Variants in SHISA9 observed in about 807,000 individuals in gnomAD.
SHISA9 encodes the protein protein shisa-9.
A neutral mutation model predicts 38.0 loss-of-function variants in SHISA9; 13 were observed. The ratio of observed to expected loss-of-function variants is 0.34; its 90% confidence interval spans 0.22 to 0.54. The LOEUF (loss-of-function observed/expected upper bound fraction) is 0.54. Among genes scored for constraint, SHISA9 ranks in the 20% least tolerant of loss-of-function variants. The probability of loss-of-function intolerance (pLI) is 0.91; values close to 1 mark genes in which losing one functional copy is unlikely to be tolerated. For synonymous variants in SHISA9, 275 were observed against 242.0 expected (o/e 1.14, Z -1.27); for missense variants, 538 against 575.8 (o/e 0.93, Z 0.67).
At chr16:13,492,333 C>T in the SHISA9 span, among the ~76,000 whole-genome samples, 131 of 152,278 alleles carry the variant, frequency 8.6e-4, 1 homozygote, top group Admixed American at 8.4e-3. Context: ...TGTTCCTAAA[C>T]AGGTGAGGTT....
chr16:13,438,341 A>G, the SHISA9 span, among the ~76,000 whole-genome samples: 1 of 152,196 alleles, frequency 6.6e-6, no homozygotes, highest in South Asian at 2.1e-4. Flanking sequence ...AAACAGTATC[A>G]GTTCCCCAAT....
intron 2 of SHISA9, among the ~76,000 whole-genome samples, chr16:12,974,568 C>A (rs571338307): frequency 7.5e-5 from 11 of 146,064 alleles, no homozygotes; most frequent in Non-Finnish European, 1.6e-4. Flanking sequence ...TCACTGCAAC[C>A]TCCAACCCCC....
At chr16:13,380,209 A>G in the SHISA9 span, among the ~76,000 whole-genome samples, 1 of 152,200 alleles carries the variant, frequency 6.6e-6, no homozygotes, top group Non-Finnish European at 1.5e-5. Flanking sequence ...CAAAGAAAAA[A>G]TAAAAGAAAA....
chr16:12,938,435 C>T (rs2071563355), intron 2 of SHISA9, among the ~76,000 whole-genome samples: 2 of 152,166 alleles, frequency 1.3e-5, no homozygotes, highest in African/African-American at 4.8e-5. Flanking sequence ...GTGATGTGCT[C>T]AATTCTGTTC....
At chr16:13,290,007 A>G in the SHISA9 span, among the ~76,000 whole-genome samples, 1 of 152,210 alleles carries the variant, frequency 6.6e-6, no homozygotes, top group Non-Finnish European at 1.5e-5. Context: ...TTGTTTTATA[A>G]GAGAGATGCA....
At chr16:13,473,252 A>G in the SHISA9 span, among the ~76,000 whole-genome samples, 1 of 152,124 alleles carries the variant, frequency 6.6e-6, no homozygotes. Flanking sequence ...TACCAAGGCA[A>G]GATACTTCTC....
the SHISA9 span, among the ~76,000 whole-genome samples, chr16:13,298,157 C>T: frequency 2.0e-5 from 3 of 152,150 alleles, no homozygotes; most frequent in Non-Finnish European, 2.9e-5. Context: ...GGCTGCTCTT[C>T]GTTCAAATAC....
chr16:13,270,517 T>G, the SHISA9 span, among the ~76,000 whole-genome samples: 3 of 152,288 alleles, frequency 2.0e-5, no homozygotes, highest in African/African-American at 7.2e-5. Context: ...TAAATTGCAT[T>G]TTAAAGGAAA....
At chr16:13,432,998 G>A in the SHISA9 span, among the ~76,000 whole-genome samples, 1 of 151,780 alleles carries the variant, frequency 6.6e-6, no homozygotes, top group African/African-American at 2.4e-5. Context: ...GAAATAATCT[G>A]TACAGCAAAC....
chr16:13,388,425 C>T, the SHISA9 span, among the ~76,000 whole-genome samples: 3 of 151,952 alleles, frequency 2.0e-5, no homozygotes, highest in African/African-American at 4.8e-5. Flanking sequence ...AATTCTCCTG[C>T]CTCAGCTTCC....
chr16:13,415,397 A>G, the SHISA9 span, among the ~76,000 whole-genome samples: 2 of 152,204 alleles, frequency 1.3e-5, no homozygotes, highest in Non-Finnish European at 2.9e-5. Flanking sequence ...GAACACATGG[A>G]CACATGGAGG....
At chr16:13,325,057 A>G in the SHISA9 span, among the ~76,000 whole-genome samples, 1 of 152,208 alleles carries the variant, frequency 6.6e-6, no homozygotes, top group African/African-American at 2.4e-5. Context: ...TAAAGCCTCT[A>G]CATAGCAGAC....
At chr16:13,207,414 T>C (rs1192800473) in intron 3 of SHISA9, among the ~76,000 whole-genome samples, 1 of 152,040 alleles carries the variant, frequency 6.6e-6, no homozygotes, top group Non-Finnish European at 1.5e-5. Flanking sequence ...TGTTCATAAA[T>C]CAGGAACTTC....
the SHISA9 span, among the ~76,000 whole-genome samples, chr16:13,381,725 A>G: frequency 2.0e-5 from 3 of 152,210 alleles, no homozygotes; most frequent in African/African-American, 7.2e-5. Flanking sequence ...TATATTATCT[A>G]TAAACCTAAC....
chr16:12,924,189 G>T (rs912018612), intron 2 of SHISA9, among the ~76,000 whole-genome samples: 1 of 152,172 alleles, frequency 6.6e-6, no homozygotes, highest in Non-Finnish European at 1.5e-5. Flanking sequence ...CTGTAGTGGA[G>T]CAGGTTCTCC....
chr16:13,430,342 T>C, the SHISA9 span, among the ~76,000 whole-genome samples: 3 of 152,184 alleles, frequency 2.0e-5, no homozygotes, highest in African/African-American at 7.2e-5. Flanking sequence ...TGTGTCTCCA[T>C]GTAACTTGAT....
intron 2 of SHISA9, among the ~76,000 whole-genome samples, chr16:13,001,773 A>G (rs2072528842): frequency 6.6e-6 from 1 of 152,248 alleles, no homozygotes; most frequent in Admixed American, 6.5e-5. Flanking sequence ...TAATGAAATG[A>G]TAAGCATGCT....
intron 2 of SHISA9, among the ~76,000 whole-genome samples, chr16:13,070,123 CGT>C (rs55824636): frequency 0.07 from 10,164 of 145,674 alleles, 622 homozygotes; most frequent in African/African-American, 0.17. Flanking sequence ...CTTTAAAGTA[CGT>C]GTGTGTGTGT....
At chr16:13,525,145 G>C in the SHISA9 span, among the ~76,000 whole-genome samples, 2 of 152,168 alleles carry the variant, frequency 1.3e-5, no homozygotes, top group African/African-American at 4.8e-5. Flanking sequence ...TCAGTTCTAA[G>C]AATTTGCATT....
Sources: allele counts gnomAD v4.1 joint callset (sites outside exome capture counted in the v4.1 genomes callset), GRCh38; gene constraint gnomAD v4.1.1; transcripts MANE v1.5; gene names NCBI Gene and HGNC (gene_info 2026-07-23, HGNC 2026-07-21).